LARGE1: variants seen among roughly 807,000 people sequenced by gnomAD.
LARGE1 encodes the protein LARGE xylosyl- and glucuronyltransferase 1.
Under a neutral mutation model 87.6 loss-of-function variants are expected in LARGE1, and 43 were observed. The ratio of observed to expected loss-of-function variants is 0.49; its 90% CI spans 0.38 to 0.63. The LOEUF (loss-of-function observed/expected upper bound fraction) is 0.63. LARGE1 is among the 30% of genes least tolerant of loss of function. The probability of loss-of-function intolerance (pLI) is 0.00; values close to 1 mark genes in which losing one functional copy is unlikely to be tolerated. For synonymous variants in LARGE1, 434 were observed against 394.6 expected (o/e 1.10, Z -1.18); for missense variants, 802 against 1,000.2 (o/e 0.80, Z 2.67).
At chr22:33,392,477 G>A (rs759377684) in intron 7 of LARGE1, among the ~76,000 whole-genome samples, 1 of 152,068 alleles carries the variant, frequency 6.6e-6, no homozygotes, top group South Asian at 2.1e-4. Context: ...TGGTCAATAC[G>A]GCAAAACCCT....
intron 11 of LARGE1, among the ~76,000 whole-genome samples, chr22:33,250,411 G>T (rs149859649): frequency 6.6e-6 from 1 of 152,110 alleles, no homozygotes; most frequent in African/African-American, 2.4e-5. Flanking sequence ...AGTTCCATGC[G>T]TTTTTTGTCA....
chr22:33,526,862 G>C (rs2071924562), intron 6 of LARGE1, among the ~76,000 whole-genome samples: 2 of 152,232 alleles, frequency 1.3e-5, no homozygotes, highest in South Asian at 2.1e-4. Context: ...AATACAAAGA[G>C]AGAGTCACAG....
chr22:33,393,696 G>A (rs1017948612), intron 7 of LARGE1, among the ~76,000 whole-genome samples: 4 of 152,150 alleles, frequency 2.6e-5, no homozygotes, highest in Non-Finnish European at 4.4e-5. Flanking sequence ...CCTTGTCGTC[G>A]GGGTCTGGGA....
chr22:33,430,785 T>G (rs1056554375), intron 7 of LARGE1, among the ~76,000 whole-genome samples: 1 of 152,158 alleles, frequency 6.6e-6, no homozygotes, highest in Non-Finnish European at 1.5e-5. Context: ...AACTCTTACC[T>G]CTGGAAGCTT....
At chr22:33,091,170 C>T in the LARGE1 span, among the ~76,000 whole-genome samples, 1 of 152,206 alleles carries the variant, frequency 6.6e-6, no homozygotes, top group East Asian at 1.9e-4. Context: ...TTATATCCAG[C>T]ATCAGATCTC....
intron 1 of LARGE1, among the ~76,000 whole-genome samples, chr22:33,853,347 A>G (rs541105171): frequency 2.0e-5 from 3 of 152,292 alleles, no homozygotes; most frequent in African/African-American, 7.2e-5. Flanking sequence ...TCAAGCACAC[A>G]CAGGTTTACA....
intron 11 of LARGE1, among the ~76,000 whole-genome samples, chr22:33,305,082 C>T (rs548091916): frequency 1.3e-5 from 2 of 152,216 alleles, no homozygotes; most frequent in African/African-American, 2.4e-5. Context: ...ACGGACGTGC[C>T]GTATGTTCAA....
chr22:33,674,414 C>A (rs903316683), intron 2 of LARGE1, among the ~76,000 whole-genome samples: 2 of 152,216 alleles, frequency 1.3e-5, no homozygotes, highest in African/African-American at 4.8e-5. Flanking sequence ...TCCACTCTTG[C>A]CTCCCAATCT....
At chr22:33,291,631 G>A (rs932515442) in intron 12 of LARGE1, among the ~76,000 whole-genome samples, 3 of 150,588 alleles carry the variant, frequency 2.0e-5, no homozygotes, top group African/African-American at 7.4e-5. Context: ...AATACATAAT[G>A]TATTACATCA....
At position 33,274,246 on chromosome 22, in the gene LARGE1, G is replaced by A. The variant is rs1215617197; in HGVS notation, c.*181C>T. ...TGGGAATGCAGGGTTGTGGGGCAGAGAGGGACTGGCTGGATCCTTGTCCAA... is the reference window on the plus strand; with the variant it reads ...TGGGAATGCAGGGTTGTGGGGCAGAAAGGGACTGGCTGGATCCTTGTCCAA... On this transcript the variant is annotated 3_prime_UTR_variant, in exon 15 of 15. Transcript: ENST00000397394. 1 of 671,382 alleles carries A rather than the reference G, an allele frequency of 1.5e-6. No homozygotes were observed. Among genetic ancestry groups the A allele is most frequent in the South Asian group, 1.7e-5 (1 of 58,178 alleles). The allele number at this position is 671,382 out of a possible 1,614,324, so 41.6% of individuals were successfully genotyped here.
chr22:33,587,162 C>T (rs750714546), intron 5 of LARGE1, among the ~76,000 whole-genome samples: 1 of 152,170 alleles, frequency 6.6e-6, no homozygotes, highest in East Asian at 1.9e-4. Context: ...CTTATTTCAA[C>T]GATGTACCAT....
intron 2 of LARGE1, among the ~76,000 whole-genome samples, chr22:33,707,375 A>T (rs1021178007): frequency 6.6e-6 from 1 of 152,244 alleles, no homozygotes; most frequent in Non-Finnish European, 1.5e-5. Flanking sequence ...TATAAAATCA[A>T]TGTTAGCTTG....
intron 2 of LARGE1, among the ~76,000 whole-genome samples, chr22:33,660,728 T>C (rs1429670834): frequency 2.0e-5 from 3 of 152,262 alleles, no homozygotes; most frequent in Admixed American, 6.5e-5. Flanking sequence ...GATTTTATCC[T>C]TTGCAAAGCA....
intron 5 of LARGE1, among the ~76,000 whole-genome samples, chr22:33,601,415 C>A (rs1395872193): frequency 6.6e-6 from 1 of 152,076 alleles, no homozygotes; most frequent in African/African-American, 2.4e-5. Context: ...ATGGTGATGC[C>A]ACTACAGAGG....
chr22:33,584,670 C>G (rs1200586018), intron 5 of LARGE1, among the ~76,000 whole-genome samples: 1 of 139,964 alleles, frequency 7.1e-6, no homozygotes, highest in African/African-American at 2.6e-5. Flanking sequence ...TTTCCCTGTG[C>G]TACTGAAAAA....
At chr22:33,306,087 G>A (rs1159319055) in intron 11 of LARGE1, among the ~76,000 whole-genome samples, 10 of 152,082 alleles carry the variant, frequency 6.6e-5, no homozygotes, top group East Asian at 1.9e-4. Context: ...CTCGTGATCC[G>A]CCCACCTCGG....
intron 2 of LARGE1, among the ~76,000 whole-genome samples, chr22:33,756,705 G>A (rs1472438997): frequency 6.6e-6 from 1 of 152,180 alleles, no homozygotes; most frequent in African/African-American, 2.4e-5. Flanking sequence ...GGCCAGAGGG[G>A]CTGACAAGGA....
At chr22:33,266,219 CT>C (rs983805203) in intron 11 of LARGE1, among the ~76,000 whole-genome samples, 271 of 106,892 alleles carry the variant, frequency 2.5e-3, no homozygotes, top group Middle Eastern at 6.3e-3. Flanking sequence ...ATTTTCAGGG[CT>C]TTTTTTTTTT....
rs1353050792 is a variant in LARGE1 at position 33,427,230 on chromosome 22, G to A, written c.892+4931C>T. Among the ~76,000 whole-genome samples, 6 of 152,144 alleles carry A rather than the reference G, an allele frequency of 3.9e-5. No individual in the cohort carries two copies. In the South Asian group the frequency reaches 1.0e-3, roughly 26 times the overall value. ...GGGCAGAGCGGTTGGAAACTGACCCGTTTCTGTGCAAGACTGTGAAAGACG... is the reference window on the plus strand; with the variant it reads ...GGGCAGAGCGGTTGGAAACTGACCCATTTCTGTGCAAGACTGTGAAAGACG... On this transcript the variant is annotated intron_variant, in intron 7 of 14. Transcript: ENST00000397394.
Sources: gnomAD v4.1 joint callset for allele counts (sites outside exome capture counted in the v4.1 genomes callset) on GRCh38, gnomAD v4.1.1 for gene constraint, MANE v1.5 for transcripts, NCBI Gene and HGNC (gene_info 2026-07-23, HGNC 2026-07-21) for gene names.